The following SPATA17 variants were observed in gnomAD, a reference collection of about 807,000 sequenced individuals.
SPATA17 encodes the protein spermatogenesis-associated protein 17.
In SPATA17, 53 loss-of-function variants were observed where a neutral mutation model predicts 62.2. The ratio of observed to expected loss-of-function variants is 0.85; its 90% CI spans 0.68 to 1.07. The LOEUF (loss-of-function observed/expected upper bound fraction) is 1.07, where lower values mean the gene tolerates loss of function less well. Among genes scored for constraint, SPATA17 ranks in the 50% least tolerant of loss-of-function variants. The pLI is 0.00. For missense variants in SPATA17, 466 were observed against 425.5 expected, an observed-to-expected ratio of 1.10 and a Z score of -0.84; for synonymous variants, 146 against 146.8, an observed-to-expected ratio of 0.99 and a Z score of 0.04.
At chr1:217,667,772 C>T (rs1380686956) in intron 3 of SPATA17, among the ~76,000 whole-genome samples, 1 of 152,162 alleles carries the variant, frequency 6.6e-6, no homozygotes, top group Non-Finnish European at 1.5e-5. Context: ...AATATGATGT[C>T]AAGAAGTACA....
chr1:217,802,611 C>T (rs965988440), intron 9 of SPATA17, among the ~76,000 whole-genome samples: 30 of 152,242 alleles, frequency 2.0e-4, no homozygotes, highest in African/African-American at 6.5e-4. Context: ...GTATCTCTCC[C>T]TGTAAGGGCA....
intron 1 of SPATA17, among the ~76,000 whole-genome samples, chr1:217,638,303 T>C (rs1669983994): frequency 7.4e-6 from 1 of 134,588 alleles, no homozygotes; most frequent in South Asian, 2.3e-4. Context: ...AAAATATGTT[T>C]ATGAAAGAAA....
chr1:217,743,801 G>A (rs1161904940), intron 6 of SPATA17, among the ~76,000 whole-genome samples: 1 of 151,866 alleles, frequency 6.6e-6, no homozygotes, highest in Non-Finnish European at 1.5e-5. Flanking sequence ...TAGAGATGAG[G>A]TTTCACCGTG....
chr1:217,674,751 T>A (rs967844040), intron 4 of SPATA17, among the ~76,000 whole-genome samples: 12 of 152,194 alleles, frequency 7.9e-5, no homozygotes, highest in Non-Finnish European at 1.3e-4. Flanking sequence ...CTTGCCCTGC[T>A]CTGGCCTGTG....
intron 8 of SPATA17, among the ~76,000 whole-genome samples, chr1:217,783,465 TTAA>T (rs1268556873): frequency 1.3e-5 from 2 of 152,048 alleles, no homozygotes; most frequent in East Asian, 3.8e-4. Context: ...ATTGATTGGC[TTAA>T]CCCAACATAT....
intron 9 of SPATA17, among the ~76,000 whole-genome samples, chr1:217,828,639 A>G (rs754927726): frequency 6.6e-5 from 10 of 151,944 alleles, no homozygotes; most frequent in Non-Finnish European, 1.2e-4. Flanking sequence ...AGCAAAGGAA[A>G]CAATCAACAA....
intron 6 of SPATA17, among the ~76,000 whole-genome samples, chr1:217,748,076 G>A (rs1411928653): frequency 1.3e-5 from 2 of 152,094 alleles, no homozygotes; most frequent in African/African-American, 4.8e-5. Flanking sequence ...GGCCGAGGTG[G>A]GCGGATCACG....
At chr1:217,793,382 G>T (rs1018092574) in intron 8 of SPATA17, among the ~76,000 whole-genome samples, 1 of 151,868 alleles carries the variant, frequency 6.6e-6, no homozygotes, top group African/African-American at 2.4e-5. Context: ...CACCACACCC[G>T]GCTAATTTTT....
intron 5 of SPATA17, among the ~76,000 whole-genome samples, chr1:217,699,919 C>G (rs1305649879): frequency 1.3e-5 from 2 of 152,008 alleles, no homozygotes; most frequent in African/African-American, 4.8e-5. Flanking sequence ...TTTGAAGAGG[C>G]TATCTTTCCT....
chr1:217,687,009 G>A (rs903099178), intron 5 of SPATA17, among the ~76,000 whole-genome samples: 6 of 152,286 alleles, frequency 3.9e-5, no homozygotes, highest in East Asian at 1.9e-4. Flanking sequence ...GTGAGCCAAC[G>A]TGTCCAGCTG....
intron 8 of SPATA17, among the ~76,000 whole-genome samples, chr1:217,786,807 C>A (rs971154629): frequency 6.7e-6 from 1 of 149,942 alleles, no homozygotes; most frequent in Admixed American, 6.6e-5. Flanking sequence ...TCTTCTTCTT[C>A]TTCTTCCTCT....
At chr1:217,706,639 G>C (rs1201370690) in intron 5 of SPATA17, among the ~76,000 whole-genome samples, 3 of 152,174 alleles carry the variant, frequency 2.0e-5, no homozygotes, top group Non-Finnish European at 4.4e-5. Flanking sequence ...AGAACTGTGA[G>C]TAAATTAAAC....
At chr1:217,685,973 C>T (rs1671207381) in intron 5 of SPATA17, among the ~76,000 whole-genome samples, 1 of 151,958 alleles carries the variant, frequency 6.6e-6, no homozygotes, top group Non-Finnish European at 1.5e-5. Context: ...CTTACTGTGC[C>T]TAATTTATAA....
chr1:217,671,632 T>C (rs1405033188), intron 4 of SPATA17, among the ~76,000 whole-genome samples: 5 of 152,092 alleles, frequency 3.3e-5, no homozygotes, highest in Non-Finnish European at 7.4e-5. Flanking sequence ...CTGCCTCTCC[T>C]GTCCTCTCCT....
At chr1:217,636,651 T>C (rs1669948963) in intron 1 of SPATA17, among the ~76,000 whole-genome samples, 1 of 152,186 alleles carries the variant, frequency 6.6e-6, no homozygotes. Context: ...CTTGAACTCC[T>C]GGGCTCAAGC....
chr1:217,853,990 T>C (rs1435124823), intron 9 of SPATA17, among the ~76,000 whole-genome samples: 2 of 152,060 alleles, frequency 1.3e-5, no homozygotes, highest in East Asian at 3.9e-4. Context: ...GCCCCCAGAA[T>C]CATAGCAGAT....
chr1:217,645,701 C>T (rs536009908), intron 1 of SPATA17, among the ~76,000 whole-genome samples: 1 of 152,106 alleles, frequency 6.6e-6, no homozygotes, highest in East Asian at 1.9e-4. Flanking sequence ...GTTGCCTGCT[C>T]TACTGGACAT....
chr1:217,636,901 A>G (rs1040402956), intron 1 of SPATA17, among the ~76,000 whole-genome samples: 5 of 152,206 alleles, frequency 3.3e-5, no homozygotes, highest in Non-Finnish European at 5.9e-5. Context: ...TTTAAAACAC[A>G]TAAGTTTTTT....
intron 5 of SPATA17, among the ~76,000 whole-genome samples, chr1:217,712,782 G>A (rs949653512): frequency 1.3e-5 from 2 of 152,056 alleles, no homozygotes; most frequent in Non-Finnish European, 2.9e-5. Context: ...ATCGACCTCA[G>A]GTGGCTCAAA....
Sources: gnomAD v4.1 joint callset for allele counts (sites outside exome capture counted in the v4.1 genomes callset) on GRCh38, gnomAD v4.1.1 for gene constraint, MANE v1.5 for transcripts, NCBI Gene and HGNC (gene_info 2026-07-23, HGNC 2026-07-21) for gene names.